Variants in ATXN10 observed in about 807,000 individuals in gnomAD.
The protein encoded by ATXN10 is ataxin 10.
A neutral mutation model predicts 52.9 loss-of-function variants in ATXN10; 28 were observed. The ratio of observed to expected loss-of-function variants is 0.53; its 90% CI spans 0.39 to 0.73. The LOEUF is 0.73. ATXN10 is among the 30% of genes least tolerant of loss of function. The probability of loss-of-function intolerance (pLI) is 0.00; values close to 1 mark genes in which losing one functional copy is unlikely to be tolerated. For synonymous variants in ATXN10, 226 were observed against 221.5 expected (o/e 1.02, Z -0.18); for missense variants, 565 against 577.0 (o/e 0.98, Z 0.21).
Position 45,783,661 on chromosome 22 carries a change from G to A in ATXN10, c.1174-23298G>A, listed in dbSNP as rs560387710. 1.1e-4 allele frequency among the ~76,000 whole-genome samples: 16 copies of A among 152,188 alleles called. No individual in the cohort carries two copies. In the East Asian group the frequency reaches 2.9e-3, roughly 28 times the overall value. ...TTATCCCCACCCACATCCTGACATT[G>A]GTAAGAGCAGTACCTGTTTCTGATT... On this transcript the variant is annotated intron_variant, in intron 9 of 11. Transcript: ENST00000252934. The surrounding 1 kb of genome is among the most constrained non-coding windows in gnomAD (Gnocchi z 5.0).
intron 3 of ATXN10, among the ~76,000 whole-genome samples, chr22:45,695,676 T>A (rs1034905647): frequency 1.4e-4 from 22 of 151,922 alleles, no homozygotes; most frequent in African/African-American, 3.6e-4. Flanking sequence ...TGTATTTTTT[T>A]ATTAGAGATG....
At chr22:45,753,498 C>T (rs769124148) in intron 9 of ATXN10, among the ~76,000 whole-genome samples, 25 of 141,516 alleles carry the variant, frequency 1.8e-4, no homozygotes, top group Non-Finnish European at 1.5e-4. Context: ...CTCCGCCTCC[C>T]GGGATTAAGC....
chr22:45,704,830 A>G (rs1357934545), intron 5 of ATXN10, among the ~76,000 whole-genome samples: 2 of 152,080 alleles, frequency 1.3e-5, no homozygotes, highest in East Asian at 1.9e-4. Context: ...AATTGGTGAG[A>G]GCAGACATAT....
At chr22:45,773,743 C>G (rs1486795937) in intron 9 of ATXN10, among the ~76,000 whole-genome samples, 1 of 152,110 alleles carries the variant, frequency 6.6e-6, no homozygotes, top group African/African-American at 2.4e-5. Flanking sequence ...CAGGTGTGAG[C>G]CACTGCACCT....
rs1307932262 is a variant in ATXN10, at chr22:45,757,138, G to C, written c.1173+16600G>C. Among the ~76,000 whole-genome samples the C allele has an allele frequency of 1.3e-5, 2 of 152,190 alleles. No individual in the cohort carries two copies. The highest frequency in any genetic ancestry group is 2.9e-5 in the Non-Finnish European group (2 of 68,032). The stretch of plus-strand genomic sequence containing the variant: ...CGGACTGCCTGGGGCTGGGGCTGTG[G>C]AGGCGGACGACTGGGGAGTCTGATG... On this transcript the variant is annotated intron_variant, in intron 9 of 11. Transcript: ENST00000252934. The surrounding 1 kb of genome is among the most constrained non-coding windows in gnomAD (Gnocchi z 4.6).
intron 9 of ATXN10, chr22:45,793,926 G>C: frequency 8.5e-7 from 1 of 1,180,510 alleles, no homozygotes; most frequent in Non-Finnish European, 1.1e-6. Context: ...TGCAGAGCAG[G>C]GCTGCCCTAT....
In ATXN10 at chr22:45,829,775, A is replaced by G. The variant is rs1928929564; in HGVS notation, c.1238-13216A>G. On this transcript the variant is annotated intron_variant, in intron 10 of 11. Transcript: ENST00000252934. ...GCATGTTCATGTGTTGAAAAACAAT[A>G]TTGTTAAGATGTCAGTACTGCTCAG... Among the ~76,000 whole-genome samples, 6 of 152,158 alleles carry G rather than the reference A, an allele frequency of 3.9e-5. No homozygotes were observed. The South Asian group carries it at 1.2e-3, about 32-fold the overall frequency.
intron 9 of ATXN10, among the ~76,000 whole-genome samples, chr22:45,798,291 A>G (rs1347940914): frequency 6.6e-6 from 1 of 152,236 alleles, no homozygotes; most frequent in Non-Finnish European, 1.5e-5. Flanking sequence ...AAATATCAGC[A>G]AAGTGGATCT....
chr22:45,729,776 G>A (rs1925017859), intron 7 of ATXN10, 186 bp downstream of exon 7: 1 of 719,824 alleles, frequency 1.4e-6, no homozygotes, highest in Non-Finnish European at 2.4e-6. Flanking sequence ...CTACCATCCA[G>A]AGTCAATGAC....
chr22:45,794,186 G>C (rs1927624514), intron 9 of ATXN10, among the ~76,000 whole-genome samples: 1 of 152,134 alleles, frequency 6.6e-6, no homozygotes, highest in Non-Finnish European at 1.5e-5. Context: ...TGACCTACCT[G>C]TTTTAGTTAG....
At chr22:45,793,062 G>T in intron 9 of ATXN10, 1 of 255,864 alleles carries the variant, frequency 3.9e-6, no homozygotes, top group African/African-American at 2.2e-5. Flanking sequence ...CAGGACCGTG[G>T]TCACCAGGTT....
Position 45,828,194 on chromosome 22 carries a change from CT to C in ATXN10, c.1238-14794del. ...GGTGAAGCCCCATCTCTATTAAAAA[CT>C]TTAAAAAAGAAAAAAAAAAGAAGAA... On this transcript the variant is annotated intron_variant, in intron 10 of 11. Transcript: ENST00000252934. This position sits in a 1 kb window ranked among gnomAD's most constrained non-coding sequence, Gnocchi z 4.5. Among the ~76,000 whole-genome samples the C allele has an allele frequency of 6.8e-6, 1 of 146,292 alleles. No individual in the cohort carries two copies. The highest frequency in any genetic ancestry group is 3.4e-3 in the Middle Eastern group (1 of 292).
Position 45,779,836 on chromosome 22 carries a change from C to T in ATXN10, c.1174-27123C>T, listed in dbSNP as rs376974119. 2.0e-5 allele frequency among the ~76,000 whole-genome samples: 3 copies of T among 152,022 alleles called. No individual in the cohort carries two copies. The East Asian group carries it at 5.8e-4, about 29-fold the overall frequency. Reference sequence around the variant, plus strand: ...GAGAGTACAAAGAAAAAGAATCATTCGTACTTTATTTGGAAACATGCCATT... The same window carrying T: ...GAGAGTACAAAGAAAAAGAATCATTTGTACTTTATTTGGAAACATGCCATT... On this transcript the variant is annotated intron_variant, in intron 9 of 11. Coordinates refer to ENST00000252934, the MANE Select transcript of ATXN10 (RefSeq NM_013236.4).
Position 45,845,055 on chromosome 22 carries a change from G to GA in ATXN10, c.*1386dup, listed in dbSNP as rs1909689866. The stretch of plus-strand genomic sequence containing the variant: ...TTCCATCAGTAAAGAAGCCATTGCA[G>GA]AATTTAAAATTACACAAAGGAGTCA... On this transcript the variant is annotated 3_prime_UTR_variant, in exon 12 of 12. Coordinates refer to ENST00000252934, the MANE Select transcript of ATXN10 (RefSeq NM_013236.4). The surrounding 1 kb of genome is among the most constrained non-coding windows in gnomAD (Gnocchi z 4.7). 1 of 152,180 alleles carries GA rather than the reference G, an allele frequency of 6.6e-6. No individual in the cohort carries two copies. The highest frequency in any genetic ancestry group is 1.5e-5 in the Non-Finnish European group (1 of 68,038). The allele number at this position is 152,180 out of a possible 1,614,324, so 9.4% of individuals were successfully genotyped here.
At chr22:45,755,538 T>G (rs17652545) in intron 9 of ATXN10, among the ~76,000 whole-genome samples, 1 of 152,112 alleles carries the variant, frequency 6.6e-6, no homozygotes, top group Non-Finnish European at 1.5e-5. Context: ...TGGGGTTGGT[T>G]ACTGTCATCA....
Position 45,705,169 on chromosome 22 carries a change from G to T in ATXN10, c.647+2322G>T, listed in dbSNP as rs185399174. 1.3e-5 allele frequency among the ~76,000 whole-genome samples: 2 copies of T among 152,002 alleles called. No individual in the cohort carries two copies. Among genetic ancestry groups the T allele is most frequent in the Non-Finnish European group, 2.9e-5 (2 of 67,996 alleles). Reference sequence around the variant, plus strand: ...TGTTGCTGGATTCGGTTCATATTTTGTTGGGGATTTTTGAATCTATATTCA... The same window carrying T: ...TGTTGCTGGATTCGGTTCATATTTTTTTGGGGATTTTTGAATCTATATTCA... On this transcript the variant is annotated intron_variant, in intron 5 of 11. Transcript: ENST00000252934. This position sits in a 1 kb window ranked among gnomAD's most constrained non-coding sequence, Gnocchi z 5.2.
chr22:45,837,227 T>G lies in ATXN10; in HGVS notation c.1238-5764T>G, dbSNP rs1199787892. 6.6e-6 allele frequency among the ~76,000 whole-genome samples: 1 copy of G among 152,200 alleles called. No individual in the cohort carries two copies. The highest frequency in any genetic ancestry group is 1.9e-4 in the East Asian group (1 of 5,206). On this transcript the variant is annotated intron_variant, in intron 10 of 11. Coordinates refer to ENST00000252934, the MANE Select transcript of ATXN10 (RefSeq NM_013236.4). This position sits in a 1 kb window ranked among gnomAD's most constrained non-coding sequence, Gnocchi z 5.8. ...TCATTTTAATTTACATAATGCATAT[T>G]TTTTCAGTGCCAGTACTTTTTAAGG... is the stretch of plus-strand genomic sequence containing the variant.
chr22:45,756,707 T>C (rs1426811945), intron 9 of ATXN10, among the ~76,000 whole-genome samples: 1 of 152,230 alleles, frequency 6.6e-6, no homozygotes, highest in African/African-American at 2.4e-5. Context: ...GGTTGAACTT[T>C]TTGTATTATT....
rs528185338 is a variant in ATXN10, at chr22:45,786,798, G to A, written c.1174-20161G>A. On this transcript the variant is annotated intron_variant, in intron 9 of 11. Coordinates refer to ENST00000252934, the MANE Select transcript of ATXN10 (RefSeq NM_013236.4). The surrounding 1 kb of genome is among the most constrained non-coding windows in gnomAD (Gnocchi z 4.1). ...GCATCAGTAATTAAAAGGGAAGCAC[G>A]GACAGTTCTAGGGGTGGTATGAATT... Among the ~76,000 whole-genome samples the A allele has an allele frequency of 3.3e-5, 5 of 152,312 alleles. No individual in the cohort carries two copies. The highest frequency in any genetic ancestry group is 2.1e-4 in the South Asian group (1 of 4,822).
Sources: allele counts gnomAD v4.1 joint callset (sites outside exome capture counted in the v4.1 genomes callset), GRCh38; gene constraint gnomAD v4.1.1; non-coding constraint Gnocchi (gnomAD v3.1); transcripts MANE v1.5; gene names NCBI Gene and HGNC (gene_info 2026-07-23, HGNC 2026-07-21).